Variants in TNRC18 observed in about 807,000 individuals in gnomAD.
The protein encoded by TNRC18 is trinucleotide repeat containing 18.
TNRC18 carries 69 observed loss-of-function variants against 226.7 expected under a neutral mutation model. That is an observed-to-expected ratio of 0.30 (90% CI 0.25 to 0.37). The LOEUF (loss-of-function observed/expected upper bound fraction) is 0.37, where lower values mean the gene tolerates loss of function less well. TNRC18 is among the 10% of genes least tolerant of loss of function. The pLI, the probability that TNRC18 is intolerant of heterozygous loss-of-function variation, is 1.00. For missense variants in TNRC18, 4,754 were observed against 4,256.6 expected, an observed-to-expected ratio of 1.12 and a Z score of -3.25; for synonymous variants, 2,449 against 1,927.6, an observed-to-expected ratio of 1.27 and a Z score of -7.09.
chr7:5,332,935 G>A lies in TNRC18; in HGVS notation c.5834C>T (p.Ala1945Val), dbSNP rs1789700255. ...GLGEPGPSLAAPTPGARGPDP... is the reference protein window; with the variant it reads ...GLGEPGPSLAVPTPGARGPDP... Reference sequence around the variant, plus strand: ...GGGACCGCGGGCGCCAGGCGTGGGTGCGGCCAGGGAGGGTCCCGGCTCCCC... The same window carrying A: ...GGGACCGCGGGCGCCAGGCGTGGGTACGGCCAGGGAGGGTCCCGGCTCCCC... The change falls in exon 19 of 30, where the codon GCA (alanine) becomes GTA (valine). Residue 1945 changes from alanine to valine, a missense_variant. Coordinates refer to ENST00000430969, the MANE Select transcript of TNRC18 (RefSeq NM_001080495.3). 3.9e-6 allele frequency: 6 copies of A among 1,547,868 alleles called. No homozygotes were observed. In the South Asian group the frequency reaches 5.9e-5, roughly 15 times the overall value.
intron 22 of TNRC18, among the ~76,000 whole-genome samples, chr7:5,320,814 G>A (rs1449736627): frequency 6.6e-6 from 1 of 152,238 alleles, no homozygotes; most frequent in Non-Finnish European, 1.5e-5. Context: ...GCACAGTCCA[G>A]ATCCTGAGAG....
At chr7:5,314,835 A>G (rs1787680930) in intron 26 of TNRC18, 149 bp downstream of exon 26, 1 of 861,070 alleles carries the variant, frequency 1.2e-6, no homozygotes, top group Non-Finnish European at 1.7e-6. Flanking sequence ...GGCCTCCCAA[A>G]GCGCTGGGAT....
At chr7:5,335,835 G>GAAAAAAAAAAAAAAAAA (rs61412615) in intron 18 of TNRC18, among the ~76,000 whole-genome samples, 2 of 126,814 alleles carry the variant, frequency 1.6e-5, no homozygotes, top group African/African-American at 3.3e-5. Context: ...ATATTCACTG[G>GAAAAAAAAAAAAAAAAA]AAAAAAAAAA....
chr7:5,368,085 G>C (rs985323096), intron 11 of TNRC18, among the ~76,000 whole-genome samples: 50 of 151,398 alleles, frequency 3.3e-4, no homozygotes, highest in Non-Finnish European at 6.5e-4. Flanking sequence ...TAAAGCAGAC[G>C]AAAATGCCTG....
intron 2 of TNRC18, among the ~76,000 whole-genome samples, chr7:5,406,370 G>T (rs1382973269): frequency 6.6e-6 from 1 of 152,174 alleles, no homozygotes; most frequent in Non-Finnish European, 1.5e-5. Flanking sequence ...GCTGAGGTGG[G>T]AGGACTGCTT....
intron 27 of TNRC18, among the ~76,000 whole-genome samples, chr7:5,311,686 C>T (rs1787226277): frequency 6.6e-6 from 1 of 152,024 alleles, no homozygotes; most frequent in South Asian, 2.1e-4. Flanking sequence ...AGCATGGTGG[C>T]ACATGTCTGT....
rs1452289319 is a variant in TNRC18, at chr7:5,312,887, A to G, written c.8004T>C (p.Ser2668=). The change falls in exon 27 of 30, where the codon TCT becomes TCC. Residue 2668 remains serine (S), a synonymous_variant. Coordinates refer to ENST00000430969, the MANE Select transcript of TNRC18 (RefSeq NM_001080495.3). The surrounding 1 kb of genome is among the most constrained non-coding windows in gnomAD (Gnocchi z 6.3). ...AGTCCTCGTCTGTGGTGGAGGAAGA[A>G]GAGGAGGAAGAGGAGGAGGAGGAGG... ...SSSSSSSSSS[S]SSSTTDEDSS... The G allele has an allele frequency of 1.8e-5, 28 of 1,517,228 alleles. No individual in the cohort carries two copies. Among genetic ancestry groups the G allele is most frequent in the South Asian group, 6.6e-5 (5 of 75,480 alleles). 94.0% of individuals were successfully genotyped at this position (1,517,228 alleles called of 1,614,324 possible).
chr7:5,326,115 C>T (rs1788891116), intron 19 of TNRC18, among the ~76,000 whole-genome samples: 1 of 152,112 alleles, frequency 6.6e-6, no homozygotes, highest in Admixed American at 6.6e-5. Context: ...AAGTTCCTCT[C>T]CAGTGACCCT....
At chr7:5,406,082 C>G (rs1186953648) in intron 2 of TNRC18, among the ~76,000 whole-genome samples, 2 of 152,126 alleles carry the variant, frequency 1.3e-5, no homozygotes, top group East Asian at 1.9e-4. Context: ...TTATTCAGCC[C>G]TGAAAAGGAA....
Position 5,377,273 on chromosome 7 carries a change from A to C in TNRC18, c.2461+98T>G, listed in dbSNP as rs1244057720. The C allele has an allele frequency of 1.5e-6, 2 of 1,305,392 alleles. No homozygotes were observed. The highest frequency in any genetic ancestry group is 3.1e-5 in the South Asian group (2 of 64,770). 80.9% of individuals were successfully genotyped at this position (1,305,392 alleles called of 1,614,324 possible). A position where few individuals can be genotyped will look rare whatever the true frequency, so the allele number is the denominator to read the frequency against. On this transcript the variant is annotated intron_variant, in intron 7 of 29. Transcript: ENST00000430969. The surrounding 1 kb of genome is among the most constrained non-coding windows in gnomAD (Gnocchi z 5.8). Reference sequence around the variant, plus strand: ...GGGAGGCAGGCCCAGGCCCCCCAGGAAACGGCAGGCAGGAGCCAGCCCTGA... The same window carrying C: ...GGGAGGCAGGCCCAGGCCCCCCAGGCAACGGCAGGCAGGAGCCAGCCCTGA...
intron 25 of TNRC18, 134 bp from the exon 26 acceptor site, chr7:5,315,282 TC>T: frequency 1.1e-6 from 1 of 928,802 alleles, no homozygotes; most frequent in Non-Finnish European, 1.6e-6. Flanking sequence ...CCGGATGGGC[TC>T]CCATGACAGG....
intron 2 of TNRC18, among the ~76,000 whole-genome samples, chr7:5,416,069 G>A (rs1241220851): frequency 6.8e-6 from 1 of 146,682 alleles, no homozygotes. Context: ...CCTAGATCGT[G>A]CCACTGCACT....
intron 2 of TNRC18, among the ~76,000 whole-genome samples, chr7:5,400,674 C>A (rs970669535): frequency 6.6e-6 from 1 of 152,086 alleles, no homozygotes; most frequent in Non-Finnish European, 1.5e-5. Context: ...ATGAATACAC[C>A]AAACACCACT....
In TNRC18 at chr7:5,376,023, C is replaced by T. The variant is rs989006909; in HGVS notation, c.2799+11G>A. Reference sequence around the variant, plus strand: ...CCCAGAGGGAGCTGCGCCTCATCCTCCCCGACTTACCACGAGCTGGGCGCT... The same window carrying T: ...CCCAGAGGGAGCTGCGCCTCATCCTTCCCGACTTACCACGAGCTGGGCGCT... On this transcript the variant is annotated intron_variant, in intron 9 of 29. Coordinates refer to ENST00000430969, the MANE Select transcript of TNRC18 (RefSeq NM_001080495.3). The T allele has an allele frequency of 1.3e-6, 2 of 1,583,618 alleles. No individual in the cohort carries two copies. Among genetic ancestry groups the T allele is most frequent in the Admixed American group, 3.6e-5 (2 of 55,940 alleles).
intron 17 of TNRC18, among the ~76,000 whole-genome samples, chr7:5,349,561 G>C (rs538969426): frequency 7.2e-5 from 11 of 152,326 alleles, no homozygotes; most frequent in African/African-American, 2.6e-4. Context: ...CGAGGAGGGA[G>C]GTGCACGGAG....
intron 18 of TNRC18, among the ~76,000 whole-genome samples, chr7:5,339,524 G>C (rs927442930): frequency 2.0e-5 from 3 of 149,902 alleles, no homozygotes; most frequent in Non-Finnish European, 3.0e-5. Context: ...ACAGGCGCGA[G>C]CTATCGTGCC....
chr7:5,315,487 G>C (rs1434641826), intron 25 of TNRC18, among the ~76,000 whole-genome samples: 1 of 151,430 alleles, frequency 6.6e-6, no homozygotes, highest in African/African-American at 2.4e-5. Flanking sequence ...GCAGTGGCAG[G>C]ATCTCAGCTC....
intron 21 of TNRC18, among the ~76,000 whole-genome samples, chr7:5,321,457 C>G (rs1234769093): frequency 6.6e-6 from 1 of 152,050 alleles, no homozygotes; most frequent in African/African-American, 2.4e-5. Flanking sequence ...TGCAAAGACC[C>G]CAGGTGGGTG....
At chr7:5,321,022 G>A (rs1318223644) in intron 22 of TNRC18, 51 bp downstream of exon 22, 19 of 1,332,902 alleles carry the variant, frequency 1.4e-5, no homozygotes, top group Middle Eastern at 2.6e-4. Flanking sequence ...GCCGGGACAC[G>A]GGGCGGGTAT....
Sources: allele counts gnomAD v4.1 joint callset (sites outside exome capture counted in the v4.1 genomes callset), GRCh38; gene constraint gnomAD v4.1.1; non-coding constraint Gnocchi (gnomAD v3.1); transcripts MANE v1.5; gene names NCBI Gene and HGNC (gene_info 2026-07-23, HGNC 2026-07-21).